The following PDS5B variants were observed in gnomAD, a reference collection of about 807,000 sequenced individuals.
The protein encoded by PDS5B is PDS5 cohesin associated factor B, also known as sister chromatid cohesion protein PDS5 homolog B.
PDS5B carries 51 observed loss-of-function variants against 184.1 expected under a neutral mutation model. That is an observed-to-expected ratio of 0.28 (90% CI 0.22 to 0.35). The LOEUF (loss-of-function observed/expected upper bound fraction) is 0.35. Among genes scored for constraint, PDS5B ranks in the 10% least tolerant of loss-of-function variants. PDS5B has a pLI of 1.00. For missense variants in PDS5B, 1,180 were observed against 1,723.3 expected, an observed-to-expected ratio of 0.68 and a Z score of 5.58; for synonymous variants, 566 against 569.2, an observed-to-expected ratio of 0.99 and a Z score of 0.08.
chr13:32,642,255 A>G (rs1950115896), intron 1 of PDS5B, among the ~76,000 whole-genome samples: 1 of 152,142 alleles, frequency 6.6e-6, no homozygotes, highest in Non-Finnish European at 1.5e-5. Flanking sequence ...TCATTCATTC[A>G]TTATTTCCTG....
chr13:32,722,172 C>T (rs1301477379), intron 19 of PDS5B, among the ~76,000 whole-genome samples: 8 of 152,208 alleles, frequency 5.3e-5, no homozygotes, highest in Non-Finnish European at 1.0e-4. Flanking sequence ...CCAGCCAACA[C>T]GGCGAAACCC....
At chr13:32,761,470 T>C (rs1954393872) in intron 30 of PDS5B, among the ~76,000 whole-genome samples, 1 of 152,162 alleles carries the variant, frequency 6.6e-6, no homozygotes, top group Admixed American at 6.5e-5. Context: ...ACATCCTCCT[T>C]TCTCCAGCTC....
At chr13:32,617,234 T>C (rs208426) in intron 1 of PDS5B, among the ~76,000 whole-genome samples, 110,335 of 152,064 alleles carry the variant, frequency 0.73, 40,499 homozygotes, top group African/African-American at 0.84. Flanking sequence ...TAATCTAGGG[T>C]GATGAAATTA....
intron 1 of PDS5B, among the ~76,000 whole-genome samples, chr13:32,605,826 G>GA (rs1359393256): frequency 8.6e-5 from 13 of 151,764 alleles, no homozygotes; most frequent in Non-Finnish European, 1.9e-4. Context: ...TTATTTAATG[G>GA]TCTTCTTTGT....
Position 32,588,241 on chromosome 13 carries a change from C to T in PDS5B, c.-20+1648C>T, listed in dbSNP as rs193229646. On this transcript the variant is annotated intron_variant, in intron 1 of 34. Transcript: ENST00000315596. ...TGTATCTCATGGTGATAGCAGAAAACCTAATTAAAATTTGTAGTGCTGAAT... is the reference window on the plus strand; with the variant it reads ...TGTATCTCATGGTGATAGCAGAAAATCTAATTAAAATTTGTAGTGCTGAAT... 2.6e-5 allele frequency among the ~76,000 whole-genome samples: 4 copies of T among 152,230 alleles called. No homozygotes were observed. In the East Asian group the frequency reaches 7.7e-4, roughly 29 times the overall value.
chr13:32,757,982 T>C, intron 26 of PDS5B, 105 bp from the exon 27 acceptor site: 1 of 453,588 alleles, frequency 2.2e-6, no homozygotes, highest in Non-Finnish European at 3.7e-6. Context: ...CTTCCTGGAG[T>C]TATATTATCT....
chr13:32,707,862 A>T (rs1952076032), intron 18 of PDS5B, among the ~76,000 whole-genome samples: 1 of 151,766 alleles, frequency 6.6e-6, no homozygotes, highest in African/African-American at 2.4e-5. Flanking sequence ...CCGAGGTAGG[A>T]GGCAGGACTG....
At chr13:32,648,273 T>G (rs1950277845) in intron 1 of PDS5B, among the ~76,000 whole-genome samples, 1 of 152,166 alleles carries the variant, frequency 6.6e-6, no homozygotes, top group Admixed American at 6.5e-5. Flanking sequence ...TCTGCCTTGA[T>G]ATGTTCAGAT....
intron 1 of PDS5B, among the ~76,000 whole-genome samples, chr13:32,634,850 G>A (rs1056083835): frequency 6.6e-6 from 1 of 152,046 alleles, no homozygotes; most frequent in African/African-American, 2.4e-5. Flanking sequence ...CAGAGTGCTG[G>A]GATTACAGGC....
chr13:32,740,063 T>G (rs916336208), intron 21 of PDS5B, among the ~76,000 whole-genome samples: 1 of 152,200 alleles, frequency 6.6e-6, no homozygotes, highest in African/African-American at 2.4e-5. Context: ...GTGTTATCTT[T>G]GAGTAATTCT....
intron 31 of PDS5B, 96 bp from the exon 32 acceptor site, chr13:32,770,025 G>C (rs1954723353): frequency 9.8e-7 from 1 of 1,018,376 alleles, no homozygotes; most frequent in Admixed American, 2.7e-5. Context: ...TACATATCTA[G>C]GACAACATTA....
At chr13:32,663,085 A>G (rs4942791) in intron 6 of PDS5B, among the ~76,000 whole-genome samples, 58,279 of 151,958 alleles carry the variant, frequency 0.38, 11,635 homozygotes, top group Non-Finnish European at 0.44. Flanking sequence ...CTGCCTATAA[A>G]ACAAAACTCT....
chr13:32,693,578 G>C (rs950924013), intron 13 of PDS5B, among the ~76,000 whole-genome samples: 7 of 151,226 alleles, frequency 4.6e-5, no homozygotes, highest in Non-Finnish European at 1.0e-4. Context: ...AGTTTTCCTT[G>C]TTTTTGGAGA....
intron 1 of PDS5B, among the ~76,000 whole-genome samples, chr13:32,623,706 C>T (rs1367252225): frequency 6.6e-6 from 1 of 151,502 alleles, no homozygotes; most frequent in Non-Finnish European, 1.5e-5. Context: ...TCTTTGCTTG[C>T]ATTTTTTTTT....
intron 13 of PDS5B, among the ~76,000 whole-genome samples, chr13:32,693,155 G>C (rs1951602644): frequency 6.6e-6 from 1 of 151,878 alleles, no homozygotes; most frequent in Non-Finnish European, 1.5e-5. Flanking sequence ...TAGATTTTTA[G>C]TCCTCTGGAG....
At chr13:32,661,239 C>T (rs1013016424) in intron 6 of PDS5B, among the ~76,000 whole-genome samples, 51 of 151,676 alleles carry the variant, frequency 3.4e-4, no homozygotes, top group African/African-American at 1.2e-3. Context: ...CAAAAATTAG[C>T]CAGGCGTGGC....
intron 1 of PDS5B, among the ~76,000 whole-genome samples, chr13:32,622,907 A>G (rs2058322447): frequency 6.6e-6 from 1 of 152,198 alleles, no homozygotes; most frequent in African/African-American, 2.4e-5. Flanking sequence ...TGCAGCAGAG[A>G]AAGAGTTTAG....
chr13:32,707,867 G>A (rs1303153181), intron 18 of PDS5B, among the ~76,000 whole-genome samples: 1 of 151,642 alleles, frequency 6.6e-6, no homozygotes, highest in Non-Finnish European at 1.5e-5. Context: ...GTAGGAGGCA[G>A]GACTGGACTC....
chr13:32,694,182 T>G, intron 13 of PDS5B, 41 bp from the exon 14 acceptor site: 4 of 1,308,630 alleles, frequency 3.1e-6, no homozygotes, highest in Non-Finnish European at 4.4e-6. Context: ...AAGATTTTTA[T>G]TCTGTTTTGT....
Sources: allele counts gnomAD v4.1 joint callset (sites outside exome capture counted in the v4.1 genomes callset), GRCh38; gene constraint gnomAD v4.1.1; transcripts MANE v1.5; gene names NCBI Gene and HGNC (gene_info 2026-07-23, HGNC 2026-07-21).